DRC11: variants seen among roughly 807,000 people sequenced by gnomAD.
The protein encoded by DRC11 is IQ and AAA domain-containing protein 1.
chr2:236,320,834 A>AC, the DRC11 span, among the ~76,000 whole-genome samples: 1,305 of 133,208 alleles, frequency 9.8e-3, 15 homozygotes, highest in African/African-American at 0.03. Context: ...CTCCGCCGGT[A>AC]CCCCCCCGCC....
At chr2:236,324,395 G>C in the DRC11 span, 1 of 288,876 alleles carries the variant, frequency 3.5e-6, no homozygotes, top group Non-Finnish European at 6.6e-6. The surrounding 1 kb of genome is among the most constrained non-coding windows in gnomAD (Gnocchi z 5.7). Flanking sequence ...AGGGTGTCAA[G>C]AGTGAATTTC....
chr2:236,382,067 C>G, the DRC11 span, among the ~76,000 whole-genome samples: 2 of 152,106 alleles, frequency 1.3e-5, no homozygotes, highest in Non-Finnish European at 2.9e-5. Flanking sequence ...AAAGTCTTCT[C>G]TTTTTGTTTT....
At chr2:236,357,874 C>T in the DRC11 span, among the ~76,000 whole-genome samples, 9 of 121,476 alleles carry the variant, frequency 7.4e-5, 1 homozygote, top group African/African-American at 2.7e-4. Flanking sequence ...TATAAATATA[C>T]ATATACTATA....
the DRC11 span, among the ~76,000 whole-genome samples, chr2:236,395,896 A>C: frequency 6.6e-6 from 1 of 152,216 alleles, no homozygotes; most frequent in Non-Finnish European, 1.5e-5. Context: ...TCAGGAAATA[A>C]TGTATTTAAT....
the DRC11 span, among the ~76,000 whole-genome samples, chr2:236,388,133 A>C: frequency 1.3e-5 from 2 of 151,982 alleles, no homozygotes; most frequent in Non-Finnish European, 2.9e-5. Flanking sequence ...TCTCACGATT[A>C]TGTGTCTTGG....
At chr2:236,385,137 G>A in the DRC11 span, among the ~76,000 whole-genome samples, 2 of 151,864 alleles carry the variant, frequency 1.3e-5, no homozygotes, top group African/African-American at 2.4e-5. Context: ...TTGACTTGGC[G>A]ACGCGGGCTC....
At chr2:236,474,303 A>C in the DRC11 span, among the ~76,000 whole-genome samples, 2 of 152,182 alleles carry the variant, frequency 1.3e-5, no homozygotes, top group Non-Finnish European at 2.9e-5. Flanking sequence ...TGAAAAAATT[A>C]ATACAAACTT....
the DRC11 span, among the ~76,000 whole-genome samples, chr2:236,384,964 T>C: frequency 2.0e-5 from 3 of 152,078 alleles, no homozygotes; most frequent in African/African-American, 4.8e-5. Context: ...AAAGATCAGA[T>C]AGTTGTAGAT....
chr2:236,330,973 A>G, the DRC11 span, among the ~76,000 whole-genome samples: 5 of 152,212 alleles, frequency 3.3e-5, no homozygotes, highest in Admixed American at 3.3e-4. This position sits in a 1 kb window ranked among gnomAD's most constrained non-coding sequence, Gnocchi z 5.5. Context: ...GTTCCATGAC[A>G]ATTGTGGGCC....
chr2:236,404,826 A>C, the DRC11 span, among the ~76,000 whole-genome samples: 1 of 152,246 alleles, frequency 6.6e-6, no homozygotes, highest in African/African-American at 2.4e-5. Flanking sequence ...TGCCTTATAA[A>C]CAAAAGAAAT....
chr2:236,432,763 G>A, the DRC11 span, among the ~76,000 whole-genome samples: 1 of 151,958 alleles, frequency 6.6e-6, no homozygotes, highest in Non-Finnish European at 1.5e-5. Flanking sequence ...ACAATTTTGT[G>A]TGTGTGGTTG....
chr2:236,368,302 C>T, the DRC11 span: 2 of 1,562,380 alleles, frequency 1.3e-6, no homozygotes, highest in African/African-American at 1.4e-5. Flanking sequence ...CTGTACTCAC[C>T]TGGAGAGAAA....
the DRC11 span, among the ~76,000 whole-genome samples, chr2:236,423,442 A>G: frequency 2.6e-5 from 4 of 152,260 alleles, no homozygotes; most frequent in Non-Finnish European, 4.4e-5. Flanking sequence ...CAAACGACAC[A>G]TGAAAACATG....
the DRC11 span, among the ~76,000 whole-genome samples, chr2:236,357,656 TATTCATAATAC>T: frequency 2.6e-3 from 329 of 125,784 alleles, 2 homozygotes; most frequent in African/African-American, 0.01. Context: ...ATATAAATTA[TATTCATAATAC>T]ATAAATATAT....
the DRC11 span, among the ~76,000 whole-genome samples, chr2:236,491,035 A>ACAG: frequency 4.2e-5 from 6 of 141,416 alleles, no homozygotes; most frequent in African/African-American, 1.6e-4. Context: ...ATGTGTGTAT[A>ACAG]TATATATACA....
At chr2:236,327,746 G>C in the DRC11 span, among the ~76,000 whole-genome samples, 1 of 152,022 alleles carries the variant, frequency 6.6e-6, no homozygotes, top group Non-Finnish European at 1.5e-5. Context: ...GCAATGGCAT[G>C]ATCTTGGCTC....
chr2:236,433,783 A>G, the DRC11 span, among the ~76,000 whole-genome samples: 1 of 152,226 alleles, frequency 6.6e-6, no homozygotes, highest in East Asian at 1.9e-4. Flanking sequence ...TTCCTACAGG[A>G]CAATGGTAAA....
At chr2:236,418,413 T>C in the DRC11 span, among the ~76,000 whole-genome samples, 1 of 152,246 alleles carries the variant, frequency 6.6e-6, no homozygotes, top group Admixed American at 6.5e-5. Context: ...CGACTGGATT[T>C]TGGTCAGCCA....
the DRC11 span, chr2:236,465,788 T>C: frequency 1.2e-6 from 1 of 866,288 alleles, no homozygotes; most frequent in South Asian, 1.5e-5. This position sits in a 1 kb window ranked among gnomAD's most constrained non-coding sequence, Gnocchi z 6.2. Context: ...ACTGAACAAA[T>C]GTGTTAATAT....
Sources: allele counts gnomAD v4.1 joint callset (sites outside exome capture counted in the v4.1 genomes callset), GRCh38; gene constraint gnomAD v4.1.1; non-coding constraint Gnocchi (gnomAD v3.1); transcripts MANE v1.5; gene names NCBI Gene and HGNC (gene_info 2026-07-23, HGNC 2026-07-21).